TMEM248: variants seen among roughly 807,000 people sequenced by gnomAD.
The protein encoded by TMEM248 is UPF0458 protein C7orf42.
In TMEM248, 9 loss-of-function variants were observed where a neutral mutation model predicts 30.3. That is an observed-to-expected ratio of 0.30 (90% confidence interval 0.18 to 0.52). The LOEUF (loss-of-function observed/expected upper bound fraction) is 0.52. Among genes scored for constraint, TMEM248 ranks in the 20% least tolerant of loss-of-function variants. The probability of loss-of-function intolerance (pLI) is 0.97; values close to 1 mark genes in which losing one functional copy is unlikely to be tolerated. For missense variants in TMEM248, 338 were observed against 403.3 expected (o/e 0.84, Z 1.39); for synonymous variants, 184 against 154.4 (o/e 1.19, Z -1.42).
intron 1 of TMEM248, among the ~76,000 whole-genome samples, chr7:66,932,387 AG>A (rs1280718978): frequency 6.6e-6 from 1 of 152,220 alleles, no homozygotes; most frequent in African/African-American, 2.4e-5. Context: ...AAATATTATC[AG>A]GGTAACCTGG....
chr7:66,929,546 C>G (rs1791614866), intron 1 of TMEM248, among the ~76,000 whole-genome samples: 1 of 149,302 alleles, frequency 6.7e-6, no homozygotes, highest in Admixed American at 6.8e-5. Flanking sequence ...AAGCGATTCT[C>G]CTGTCTCAGC....
chr7:66,929,005 C>A (rs545356788), intron 1 of TMEM248, among the ~76,000 whole-genome samples: 1 of 152,238 alleles, frequency 6.6e-6, no homozygotes, highest in Non-Finnish European at 1.5e-5. Context: ...CCAGGCTGGT[C>A]TCGAATTCCT....
In TMEM248 at chr7:66,951,152, G is replaced by T. The variant is rs1274073415; in HGVS notation, c.780+17G>T. 2 of 1,282,198 alleles carry T rather than the reference G, an allele frequency of 1.6e-6. No individual in the cohort carries two copies. The highest frequency in any genetic ancestry group is 3.1e-5 in the African/African-American group (2 of 65,214). 79.4% of individuals were successfully genotyped at this position (1,282,198 alleles called of 1,614,324 possible). ...GTTCCAGATGTAAGTGAGAAAAATTGTGTGTGTGTGTGTGCGTGCATGCAT... is the reference window on the plus strand; with the variant it reads ...GTTCCAGATGTAAGTGAGAAAAATTTTGTGTGTGTGTGTGCGTGCATGCAT... On this transcript the variant is annotated intron_variant, in intron 5 of 6. Transcript: ENST00000341567.
chr7:66,929,994 T>C (rs1469606787), intron 1 of TMEM248, among the ~76,000 whole-genome samples: 1 of 151,902 alleles, frequency 6.6e-6, no homozygotes, highest in Non-Finnish European at 1.5e-5. Flanking sequence ...ATCCCATCTC[T>C]ACAAAAAATA....
chr7:66,948,512 G>T, intron 3 of TMEM248, 32 bp from the exon 4 acceptor site: 1 of 1,601,686 alleles, frequency 6.2e-7, no homozygotes, highest in Non-Finnish European at 8.5e-7. Context: ...CGTGGTTCTT[G>T]ACTTTATAAA....
chr7:66,927,947 G>A (rs1791566657), intron 1 of TMEM248, among the ~76,000 whole-genome samples: 1 of 152,172 alleles, frequency 6.6e-6, no homozygotes, highest in African/African-American at 2.4e-5. Context: ...GAGCACGGTA[G>A]CTCACACCTG....
intron 1 of TMEM248, among the ~76,000 whole-genome samples, chr7:66,937,902 G>C (rs13233569): frequency 0.1 from 15,705 of 152,054 alleles, 987 homozygotes; most frequent in South Asian, 0.2. Flanking sequence ...AGTAGAGTCA[G>C]GGTTTCTCTA....
intron 1 of TMEM248, among the ~76,000 whole-genome samples, chr7:66,926,476 T>C (rs1406480190): frequency 6.6e-6 from 1 of 151,966 alleles, no homozygotes; most frequent in Non-Finnish European, 1.5e-5. Context: ...AAGAATTAGC[T>C]GGGCGTGGTG....
intron 1 of TMEM248, among the ~76,000 whole-genome samples, chr7:66,930,159 A>G (rs189926927): frequency 3.8e-4 from 58 of 152,194 alleles, no homozygotes; most frequent in African/African-American, 1.4e-3. Flanking sequence ...CTGTCTCAAA[A>G]AAAAGAATGA....
intron 6 of TMEM248, 152 bp downstream of exon 6, chr7:66,953,521 G>A: frequency 9.4e-7 from 1 of 1,065,534 alleles, no homozygotes; most frequent in Non-Finnish European, 1.4e-6. Flanking sequence ...TTGGTTCCAG[G>A]ACCCTGGTGG....
At chr7:66,935,654 T>A (rs1226725266) in intron 1 of TMEM248, among the ~76,000 whole-genome samples, 2 of 152,222 alleles carry the variant, frequency 1.3e-5, no homozygotes, top group Non-Finnish European at 2.9e-5. Context: ...GGGATTCTCA[T>A]GCCTCAGCCT....
At chr7:66,944,893 C>A in intron 2 of TMEM248, 83 bp from the exon 3 acceptor site, 1 of 1,455,456 alleles carries the variant, frequency 6.9e-7, no homozygotes, top group Non-Finnish European at 9.5e-7. Context: ...GCTGCGGTGC[C>A]ACACTGGGGT....
chr7:66,939,802 C>T (rs986579756), intron 1 of TMEM248, among the ~76,000 whole-genome samples: 2 of 151,074 alleles, frequency 1.3e-5, no homozygotes, highest in Non-Finnish European at 2.9e-5. Context: ...TCTCCGCTCT[C>T]GTTGGGCTCA....
intron 1 of TMEM248, among the ~76,000 whole-genome samples, chr7:66,924,220 GC>G (rs140303792): frequency 2.0e-4 from 30 of 152,304 alleles, no homozygotes; most frequent in Non-Finnish European, 3.7e-4. Flanking sequence ...TAAATGGCAA[GC>G]CCTTCAGTCC....
At chr7:66,953,191 A>G in intron 5 of TMEM248, 35 bp from the exon 6 acceptor site, 1 of 1,610,668 alleles carries the variant, frequency 6.2e-7, no homozygotes, top group African/African-American at 1.3e-5. Context: ...CACTCAGAGC[A>G]GATGTTTCTG....
At chr7:66,931,451 C>G (rs1791663735) in intron 1 of TMEM248, among the ~76,000 whole-genome samples, 1 of 151,762 alleles carries the variant, frequency 6.6e-6, no homozygotes, top group Non-Finnish European at 1.5e-5. Context: ...TGTTAACTTA[C>G]TTTTTTTCTG....
intron 4 of TMEM248, 102 bp downstream of exon 4, chr7:66,948,796 C>T: frequency 7.8e-7 from 1 of 1,281,898 alleles, no homozygotes; most frequent in Non-Finnish European, 1.1e-6. Context: ...GCTCACTTCA[C>T]ATTTCTTTAT....
At chr7:66,932,962 G>A (rs1459663463) in intron 1 of TMEM248, among the ~76,000 whole-genome samples, 1 of 151,962 alleles carries the variant, frequency 6.6e-6, no homozygotes, top group Non-Finnish European at 1.5e-5. Flanking sequence ...CCAGGTTCAA[G>A]CAATTTGTGC....
At chr7:66,944,662 T>C (rs1486252398) in intron 2 of TMEM248, among the ~76,000 whole-genome samples, 1 of 152,220 alleles carries the variant, frequency 6.6e-6, no homozygotes, top group Non-Finnish European at 1.5e-5. Flanking sequence ...GCTAGATCAT[T>C]TTCTCTAAGT....
Sources: allele counts gnomAD v4.1 joint callset (sites outside exome capture counted in the v4.1 genomes callset), GRCh38; gene constraint gnomAD v4.1.1; transcripts MANE v1.5; gene names NCBI Gene and HGNC (gene_info 2026-07-23, HGNC 2026-07-21).